The following ZNF69 variants were observed in gnomAD, a reference collection of about 807,000 sequenced individuals.
ZNF69 encodes ZNF3.
A neutral mutation model predicts 50.9 loss-of-function variants in ZNF69; 47 were observed. The ratio of observed to expected loss-of-function variants is 0.92; its 90% confidence interval spans 0.73 to 1.18. The LOEUF is 1.18. ZNF69 is among the 50% of genes most tolerant of loss of function. ZNF69 has a pLI of 0.00. For synonymous variants in ZNF69, 216 were observed against 223.1 expected, an observed-to-expected ratio of 0.97 and a Z score of 0.29; for missense variants, 717 against 675.1, an observed-to-expected ratio of 1.06 and a Z score of -0.69.
intron 1 of ZNF69, among the ~76,000 whole-genome samples, chr19:11,894,176 T>C (rs1977165288): frequency 6.6e-6 from 1 of 152,020 alleles, no homozygotes; most frequent in Non-Finnish European, 1.5e-5. Context: ...AAAACAGAGA[T>C]CTTTTTTTTT....
chr19:11,933,321 C>T, the ZNF69 span, among the ~76,000 whole-genome samples: 6 of 148,142 alleles, frequency 4.1e-5, 1 homozygote, highest in African/African-American at 1.6e-4. Flanking sequence ...ATAATTGATG[C>T]AAGAATATAT....
At chr19:11,908,330 C>T (rs1376237087), downstream of ZNF69, among the ~76,000 whole-genome samples, 1 of 152,220 alleles carries the variant, frequency 6.6e-6, no homozygotes. Context: ...ACCTAATAGA[C>T]ATCTACAGAA....
At chr19:11,976,887 A>T in the ZNF69 span, 5 of 1,506,064 alleles carry the variant, frequency 3.3e-6, no homozygotes, top group Non-Finnish European at 4.4e-6. Context: ...AAAATGCTTT[A>T]TGGAAGAAAG....
At chr19:11,930,113 T>C in the ZNF69 span, among the ~76,000 whole-genome samples, 1 of 147,992 alleles carries the variant, frequency 6.8e-6, no homozygotes, top group Admixed American at 6.6e-5. Context: ...GAATGACTAG[T>C]GGTGGAGGAG....
chr19:11,917,711 A>G (rs1253042192), downstream of ZNF69, among the ~76,000 whole-genome samples: 1 of 151,246 alleles, frequency 6.6e-6, no homozygotes, highest in East Asian at 1.9e-4. Context: ...ATCTCGGCTC[A>G]CTGCAACTTG....
chr19:11,960,042 T>C, the ZNF69 span, among the ~76,000 whole-genome samples: 1 of 151,742 alleles, frequency 6.6e-6, no homozygotes, highest in South Asian at 2.1e-4. Flanking sequence ...TTTTTTCTTT[T>C]TTTTTTTTTT....
intron 1 of ZNF69, among the ~76,000 whole-genome samples, chr19:11,902,717 G>A (rs199543470): frequency 1.4e-4 from 21 of 150,714 alleles, no homozygotes; most frequent in Admixed American, 7.3e-4. Context: ...CTACCTACAT[G>A]CTTCCTCTGA....
the ZNF69 span, among the ~76,000 whole-genome samples, chr19:11,954,996 ATTTTT>A: frequency 1.3e-3 from 132 of 101,714 alleles, 1 homozygote; most frequent in African/African-American, 4.2e-3. Flanking sequence ...TTTCAAAAAA[ATTTTT>A]TTTTTTTTTT....
At chr19:11,938,697 T>C in the ZNF69 span, among the ~76,000 whole-genome samples, 1 of 152,244 alleles carries the variant, frequency 6.6e-6, no homozygotes, top group East Asian at 1.9e-4. Flanking sequence ...CATGTGCATG[T>C]GTCTTTATAG....
At chr19:11,968,777 T>C in the ZNF69 span, among the ~76,000 whole-genome samples, 1 of 152,096 alleles carries the variant, frequency 6.6e-6, no homozygotes, top group Non-Finnish European at 1.5e-5. Context: ...CCCAGCACGT[T>C]GGGAGGCCGA....
chr19:11,915,340 CTT>C (rs1178512212), downstream of ZNF69, among the ~76,000 whole-genome samples: 1 of 152,256 alleles, frequency 6.6e-6, no homozygotes, highest in African/African-American at 2.4e-5. Context: ...CCAAATGTGA[CTT>C]TCCACAGGAT....
At chr19:11,951,706 C>A in the ZNF69 span, among the ~76,000 whole-genome samples, 1 of 152,166 alleles carries the variant, frequency 6.6e-6, no homozygotes, top group Non-Finnish European at 1.5e-5. Context: ...TTACAAGTCA[C>A]ATTAGTAAGA....
chr19:11,917,789 C>CTTTT (rs74965943), downstream of ZNF69, among the ~76,000 whole-genome samples: 259 of 110,674 alleles, frequency 2.3e-3, 16 homozygotes, highest in African/African-American at 7.8e-3. Flanking sequence ...CCACACCCTG[C>CTTTT]TTTTTTTTTT....
the ZNF69 span, among the ~76,000 whole-genome samples, chr19:11,931,705 A>G: frequency 6.8e-6 from 1 of 148,048 alleles, no homozygotes; most frequent in African/African-American, 2.6e-5. Context: ...CCTTTTAAGG[A>G]CACATGGCAT....
At chr19:11,950,283 TCA>T in the ZNF69 span, 2 of 1,586,014 alleles carry the variant, frequency 1.3e-6, no homozygotes, top group Non-Finnish European at 1.7e-6. Context: ...ATGAATAGAC[TCA>T]CACTGGAAGG....
chr19:11,952,680 C>G, the ZNF69 span, among the ~76,000 whole-genome samples: 2 of 152,084 alleles, frequency 1.3e-5, no homozygotes, highest in African/African-American at 2.4e-5. Context: ...GATGACATAC[C>G]CAGTCTCAGA....
the ZNF69 span, among the ~76,000 whole-genome samples, chr19:11,921,945 AG>A: frequency 6.6e-6 from 1 of 152,228 alleles, no homozygotes; most frequent in Non-Finnish European, 1.5e-5. Flanking sequence ...CTCCAAGAAA[AG>A]TAAAAGCTAA....
the ZNF69 span, among the ~76,000 whole-genome samples, chr19:11,955,643 G>C: frequency 2.6e-5 from 4 of 152,108 alleles, no homozygotes; most frequent in Non-Finnish European, 2.9e-5. Flanking sequence ...TGGGAATGCT[G>C]CTTGGGAAAA....
the ZNF69 span, chr19:11,924,979 CG>C: frequency 1.7e-5 from 8 of 464,576 alleles, no homozygotes; most frequent in African/African-American, 1.2e-4. Context: ...TCTGGCTCTG[CG>C]GGGCCTGATA....
Sources: allele counts gnomAD v4.1 joint callset (sites outside exome capture counted in the v4.1 genomes callset), GRCh38; gene constraint gnomAD v4.1.1; transcripts MANE v1.5; gene names NCBI Gene and HGNC (gene_info 2026-07-23, HGNC 2026-07-21).